Variants in ADCK2 observed in about 807,000 individuals in gnomAD.
ADCK2 encodes the protein uncharacterized aarF domain-containing protein kinase 2.
A neutral mutation model predicts 52.3 loss-of-function variants in ADCK2; 37 were observed. That is an observed-to-expected ratio of 0.71 (90% confidence interval 0.54 to 0.93). ADCK2 has a LOEUF of 0.93. Ranked by LOEUF, ADCK2 falls within the 40% of genes least tolerant of loss-of-function variation. The pLI is 0.00. For missense variants in ADCK2, 695 were observed against 798.7 expected (o/e 0.87, Z 1.56); for synonymous variants, 321 against 349.2 (o/e 0.92, Z 0.90).
rs1244672820 is a variant in ADCK2, at chr7:140,685,405, G to A, written c.1306-1585G>A. ...GTGGAGGTTGCAGTGAGCCCAGATC[G>A]CACCATTGTACTCTAGCCTGGGCAA... On this transcript the variant is annotated intron_variant, in intron 4 of 7. Coordinates refer to ENST00000072869, the MANE Select transcript of ADCK2 (RefSeq NM_052853.4). Among the ~76,000 whole-genome samples the A allele has an allele frequency of 4.0e-5, 6 of 151,336 alleles. No individual in the cohort carries two copies. The East Asian group carries it at 7.8e-4, about 20-fold the overall frequency.
chr7:140,692,064 G>A (rs1794717489), intron 7 of ADCK2, among the ~76,000 whole-genome samples: 1 of 152,154 alleles, frequency 6.6e-6, no homozygotes, highest in Non-Finnish European at 1.5e-5. Context: ...TTTTCATTGT[G>A]ATGAAAAACA....
At position 140,689,530 on chromosome 7, in the gene ADCK2, C is replaced by T. The variant is rs761824870; in HGVS notation, c.1558-67C>T. On this transcript the variant is annotated intron_variant, in intron 5 of 7. Transcript: ENST00000072869. ...GGTGGAGCTGCTGAGATGAGAAAGA[C>T]GCTTGGGCACCGCATCCAGGTTTAT... is the stretch of plus-strand genomic sequence containing the variant. 9.3e-6 allele frequency: 14 copies of T among 1,507,994 alleles called. No individual in the cohort carries two copies. The African/African-American group carries it at 9.8e-5, about 11-fold the overall frequency. 93.4% of individuals were successfully genotyped at this position (1,507,994 alleles called of 1,614,324 possible). A position where few individuals can be genotyped will look rare whatever the true frequency, so the allele number is the denominator to read the frequency against.
chr7:140,684,098 T>A (rs1794564423), intron 4 of ADCK2, among the ~76,000 whole-genome samples: 1 of 152,054 alleles, frequency 6.6e-6, no homozygotes, highest in African/African-American at 2.4e-5. Flanking sequence ...CATGTTGGTG[T>A]TGGAGAGGCA....
At position 140,694,727 on chromosome 7, in the gene ADCK2, G is replaced by C. The variant is rs149060142; in HGVS notation, c.1805G>C (p.Arg602Pro). 537 of 1,614,028 alleles carry C rather than the reference G, an allele frequency of 3.3e-4. 8 individuals are homozygous for C. Among genetic ancestry groups the C allele is most frequent in the Non-Finnish European group, 3.5e-5 (41 of 1,179,998 alleles). The change falls in exon 8 of 8, where the codon CGC (arginine) becomes CCC (proline). Residue 602 changes from arginine to proline, a missense_variant. By Grantham distance (103) the Arg-to-Pro change is moderately radical (BLOSUM62 -2). Coordinates refer to ENST00000072869, the MANE Select transcript of ADCK2 (RefSeq NM_052853.4). ...FAIMVLEGLG[R>P]SLDPKLDILE... Reference sequence around the variant, plus strand: ...ATCATGGTGTTGGAGGGGCTTGGCCGCTCACTGGACCCCAAACTGGACATC... The same window carrying C: ...ATCATGGTGTTGGAGGGGCTTGGCCCCTCACTGGACCCCAAACTGGACATC...
At position 140,673,603 on chromosome 7, in the gene ADCK2, C is replaced by T. The variant is rs750225874; in HGVS notation, c.273C>T (p.Gly91=). The part of the protein sequence containing the change: ...AESLPRAGPL[G]GVFLHLRLWL... The stretch of plus-strand genomic sequence containing the variant: ...GCCTCCCCCGAGCGGGACCTCTGGG[C>T]GGCGTCTTCCTGCATCTCCGCCTCT... Residue 91 remains glycine (G), a synonymous_variant, in exon 1 of 8, where the codon GGC becomes GGT. Transcript: ENST00000072869. This position sits in a 1 kb window ranked among gnomAD's most constrained non-coding sequence, Gnocchi z 6.4. 1.2e-6 allele frequency: 2 copies of T among 1,607,690 alleles called. No individual in the cohort carries two copies. Among genetic ancestry groups the T allele is most frequent in the South Asian group, 1.1e-5 (1 of 91,032 alleles).
chr7:140,673,946 G>C lies in ADCK2; in HGVS notation c.616G>C (p.Val206Leu). Reference sequence around the variant, plus strand: ...CCTCTCTTTTGAGAACCGGGAACCTGTGGGCTCAGGCTGCGTGGCCCAGGT... The same window carrying C: ...CCTCTCTTTTGAGAACCGGGAACCTCTGGGCTCAGGCTGCGTGGCCCAGGT... ...SILSFENREP[V>L]GSGCVAQVYK... The change falls in exon 1 of 8, where the codon GTG (valine) becomes CTG (leucine). Residue 206 changes from valine to leucine, a missense_variant. Transcript: ENST00000072869. This position sits in a 1 kb window ranked among gnomAD's most constrained non-coding sequence, Gnocchi z 6.4. 1.2e-6 allele frequency: 2 copies of C among 1,614,064 alleles called. No homozygotes were observed. The highest frequency in any genetic ancestry group is 1.7e-6 in the Non-Finnish European group (2 of 1,180,054).
Position 140,673,275 on chromosome 7 carries a change from T to G in ADCK2, c.-56T>G. The G allele has an allele frequency of 4.3e-6, 6 of 1,381,064 alleles. No individual in the cohort carries two copies. The highest frequency in any genetic ancestry group is 5.6e-6 in the Non-Finnish European group (6 of 1,063,064). The allele number at this position is 1,381,064 out of a possible 1,614,324, so 85.6% of individuals were successfully genotyped here. ...GCTTCGGCTTCACCGCAGCCTCGCCTGAGCGGGCGCCTCTGAAGTGGAGGG... is the reference window on the plus strand; with the variant it reads ...GCTTCGGCTTCACCGCAGCCTCGCCGGAGCGGGCGCCTCTGAAGTGGAGGG... On this transcript the variant is annotated 5_prime_UTR_variant, in exon 1 of 8. It removes the in-frame stop codon of an upstream open reading frame in the 5' UTR. Coordinates refer to ENST00000072869, the MANE Select transcript of ADCK2 (RefSeq NM_052853.4). This position sits in a 1 kb window ranked among gnomAD's most constrained non-coding sequence, Gnocchi z 6.4.
chr7:140,679,220 C>T lies in ADCK2; in HGVS notation c.1146C>T (p.Ala382=), dbSNP rs140671686. The T allele has an allele frequency of 2.1e-4, 336 of 1,613,906 alleles. No individual in the cohort carries two copies. The highest frequency in any genetic ancestry group is 2.6e-4 in the Non-Finnish European group (309 of 1,179,980). Reference sequence around the variant, plus strand: ...AGGTCAACTTCCGGAATGTGAAAGCCGTCAAGTTCCCCACCCCTCTGCGCC... The same window carrying T: ...AGGTCAACTTCCGGAATGTGAAAGCTGTCAAGTTCCCCACCCCTCTGCGCC... ...HFQVNFRNVK[A]VKFPTPLRPF... The change falls in exon 3 of 8, where the codon GCC becomes GCT. Residue 382 remains alanine, a synonymous_variant. Coordinates refer to ENST00000072869, the MANE Select transcript of ADCK2 (RefSeq NM_052853.4).
chr7:140,679,316 T>C (rs1161448429), intron 3 of ADCK2, 33 bp downstream of exon 3: 1 of 1,611,466 alleles, frequency 6.2e-7, no homozygotes, highest in Admixed American at 1.7e-5. Flanking sequence ...GCCATACCTT[T>C]CACTTGCCAC....
chr7:140,680,441 C>T (rs1390094710), intron 3 of ADCK2, among the ~76,000 whole-genome samples: 3 of 151,914 alleles, frequency 2.0e-5, no homozygotes, highest in African/African-American at 7.3e-5. Context: ...GTGTTAGCCA[C>T]CACACCTGGG....
chr7:140,689,550 G>A (rs767792806), intron 5 of ADCK2, 47 bp from the exon 6 acceptor site: 30 of 1,541,488 alleles, frequency 1.9e-5, no homozygotes, highest in Non-Finnish European at 2.5e-5. Flanking sequence ...CCGCATCCAG[G>A]TTTATGCTAG....
chr7:140,684,409 C>T (rs1289080508), intron 4 of ADCK2, among the ~76,000 whole-genome samples: 4 of 152,152 alleles, frequency 2.6e-5, no homozygotes, highest in Non-Finnish European at 5.9e-5. Context: ...GCATTGTTAG[C>T]AGCCCCCATG....
intron 5 of ADCK2, among the ~76,000 whole-genome samples, chr7:140,689,126 C>T (rs1443623377): frequency 6.6e-6 from 1 of 151,934 alleles, no homozygotes; most frequent in Admixed American, 6.6e-5. Flanking sequence ...CACCACCATG[C>T]CCGGCTAATT....
chr7:140,694,525 A>G (rs1458595172), intron 7 of ADCK2, 138 bp from the exon 8 acceptor site: 4 of 793,948 alleles, frequency 5.0e-6, no homozygotes, highest in Non-Finnish European at 2.0e-6. Context: ...GCGGTAGAGA[A>G]GAGAATGTCA....
Position 140,687,099 on chromosome 7 carries a change from T to C in ADCK2, c.1415T>C (p.Ile472Thr), listed in dbSNP as rs1335919307. The C allele has an allele frequency of 1.7e-5, 27 of 1,613,906 alleles. No homozygotes were observed. Among genetic ancestry groups the C allele is most frequent in the Non-Finnish European group, 2.2e-5 (26 of 1,180,038 alleles). Reference protein sequence around the residue: ...SQEAQLQQADICDTLVVAVPS... With the variant: ...SQEAQLQQADTCDTLVVAVPS... ...GAGGCGCAGCTGCAGCAGGCGGACA[T>C]CTGTGACACTCTGGTGGTGGCCGTG... Residue 472 changes from isoleucine to threonine, a missense_variant, in exon 5 of 8, where the codon ATC becomes ACC. Ile to Thr is a moderately conservative substitution (Grantham distance 89, BLOSUM62 -1). Transcript: ENST00000072869.
In ADCK2 at chr7:140,678,045, G is replaced by A. The variant is rs1182458278; in HGVS notation, c.1081-1110G>A. Among the ~76,000 whole-genome samples the A allele has an allele frequency of 2.0e-5, 3 of 152,296 alleles. No homozygotes were observed. The highest frequency in any genetic ancestry group is 7.2e-5 in the African/African-American group (3 of 41,566). ...CCACCTGGATGCCATTCTAAGGAGT[G>A]CAGACTTCACCATGCAGGTAATGGA... On this transcript the variant is annotated intron_variant, in intron 2 of 7. Coordinates refer to ENST00000072869, the MANE Select transcript of ADCK2 (RefSeq NM_052853.4). This position sits in a 1 kb window ranked among gnomAD's most constrained non-coding sequence, Gnocchi z 4.9.
At position 140,679,277 on chromosome 7, in the gene ADCK2, G is replaced by C. The variant is rs141910091; in HGVS notation, c.1203G>C (p.Thr401=). The change falls in exon 3 of 8, where the codon ACG becomes ACC. Residue 401 remains threonine (T), a synonymous_variant. Coordinates refer to ENST00000072869, the MANE Select transcript of ADCK2 (RefSeq NM_052853.4). ...TCACCAGAGAAGTCTTGGTGGAAACGTATGAAGTAAGAGTGATGGCTTTGC... is the reference window on the plus strand; with the variant it reads ...TCACCAGAGAAGTCTTGGTGGAAACCTATGAAGTAAGAGTGATGGCTTTGC... ...PFVTREVLVE[T]YEESVPVSSY... 1 of 1,613,938 alleles carries C rather than the reference G, an allele frequency of 6.2e-7. No individual in the cohort carries two copies.
rs1422586165 is a variant in ADCK2 at position 140,674,136 on chromosome 7, ACCAG to A, written c.807_810del (p.Gln270ArgfsTer3). On this transcript the variant is annotated frameshift_variant, in exon 1 of 8. Coordinates refer to ENST00000072869, the MANE Select transcript of ADCK2 (RefSeq NM_052853.4). LOFTEE classifies it high-confidence loss of function. The surrounding 1 kb of genome is among the most constrained non-coding windows in gnomAD (Gnocchi z 4.6). ...CGGAAACCTCCAGAAAATCTCGCAG[ACCAG>A]TCGTTTCTAGAAAGGCTGCTCCTCC... 1 of 1,613,948 alleles carries A rather than the reference ACCAG, an allele frequency of 6.2e-7. No individual in the cohort carries two copies. The highest frequency in any genetic ancestry group is 1.3e-5 in the African/African-American group (1 of 74,892).
Position 140,677,281 on chromosome 7 carries a change from G to A in ADCK2, c.1081-1874G>A, listed in dbSNP as rs1403876612. 2.6e-5 allele frequency among the ~76,000 whole-genome samples: 4 copies of A among 151,832 alleles called. No homozygotes were observed. The South Asian group carries it at 6.2e-4, about 24-fold the overall frequency. ...AAATTAGCCGGGCATGGTGGCACAC[G>A]CTTGTAATCCCAGCTACTCGAGAGG... On this transcript the variant is annotated intron_variant, in intron 2 of 7. Transcript: ENST00000072869.
Sources: gnomAD v4.1 joint callset for allele counts (sites outside exome capture counted in the v4.1 genomes callset) on GRCh38, gnomAD v4.1.1 for gene constraint, Gnocchi (gnomAD v3.1) non-coding constraint, MANE v1.5 for transcripts, NCBI Gene and HGNC (gene_info 2026-07-23, HGNC 2026-07-21) for gene names.